The following LRRC4C variants were observed in gnomAD, a reference collection of about 807,000 sequenced individuals.
The protein encoded by LRRC4C is leucine-rich repeat-containing protein 4C.
LRRC4C carries 5 observed loss-of-function variants against 33.6 expected under a neutral mutation model. The ratio of observed to expected loss-of-function variants is 0.15; its 90% confidence interval spans 0.08 to 0.31. The LOEUF (loss-of-function observed/expected upper bound fraction) is 0.31. LRRC4C is among the 10% of genes least tolerant of loss of function. The pLI is 1.00. For missense variants in LRRC4C, 560 were observed against 796.7 expected (o/e 0.70, Z 3.58); for synonymous variants, 329 against 302.0 (o/e 1.09, Z -0.93).
chr11:40,678,121 C>T (rs909313863), intron 2 of LRRC4C, among the ~76,000 whole-genome samples: 18 of 151,824 alleles, frequency 1.2e-4, no homozygotes, highest in Admixed American at 1.1e-3. Flanking sequence ...TACTATTCCT[C>T]ACACATCACT....
chr11:40,765,100 C>G (rs1375238448), intron 2 of LRRC4C, among the ~76,000 whole-genome samples: 1 of 152,138 alleles, frequency 6.6e-6, no homozygotes, highest in East Asian at 1.9e-4. Context: ...AAAAAGGGAC[C>G]AGTGACCAGC....
intron 2 of LRRC4C, among the ~76,000 whole-genome samples, chr11:40,888,771 G>A (rs1166808315): frequency 6.6e-6 from 1 of 151,854 alleles, no homozygotes; most frequent in Non-Finnish European, 1.5e-5. Flanking sequence ...AAATATGTCC[G>A]AGATCTTTGA....
chr11:40,591,547 G>A (rs942433710), intron 3 of LRRC4C, among the ~76,000 whole-genome samples: 7 of 152,210 alleles, frequency 4.6e-5, no homozygotes, highest in African/African-American at 1.7e-4. Flanking sequence ...CTTCTCAGGT[G>A]TGTTTTATTG....
intron 4 of LRRC4C, among the ~76,000 whole-genome samples, chr11:40,288,216 G>A (rs775206610): frequency 2.0e-4 from 31 of 152,158 alleles, no homozygotes; most frequent in Non-Finnish European, 7.3e-5. Flanking sequence ...TAAGATGCTA[G>A]AGTCCAAGTT....
intron 3 of LRRC4C, among the ~76,000 whole-genome samples, chr11:40,407,339 G>C (rs1168064564): frequency 6.6e-6 from 1 of 152,074 alleles, no homozygotes; most frequent in Non-Finnish European, 1.5e-5. Flanking sequence ...GAAGCTGGAA[G>C]ACACTCTCTA....
intron 1 of LRRC4C, among the ~76,000 whole-genome samples, chr11:41,050,199 G>A (rs751789941): frequency 2.0e-5 from 3 of 152,062 alleles, no homozygotes; most frequent in Non-Finnish European, 4.4e-5. Context: ...TAGTTCTGTG[G>A]CCATGAAAAA....
intron 3 of LRRC4C, among the ~76,000 whole-genome samples, chr11:40,541,517 C>T (rs1956706506): frequency 6.6e-6 from 1 of 152,136 alleles, no homozygotes; most frequent in South Asian, 2.1e-4. Context: ...TTTCATGTAT[C>T]ATCCTGAACT....
intron 2 of LRRC4C, among the ~76,000 whole-genome samples, chr11:40,787,869 A>C (rs1950478249): frequency 6.6e-6 from 1 of 152,198 alleles, no homozygotes; most frequent in South Asian, 2.1e-4. Flanking sequence ...AGAATGAGTG[A>C]AATGAAAACA....
chr11:40,209,846 G>C (rs914198265), intron 5 of LRRC4C, among the ~76,000 whole-genome samples: 1 of 152,300 alleles, frequency 6.6e-6, no homozygotes, highest in African/African-American at 2.4e-5. Context: ...TAGGATGCCT[G>C]ATAAAAGAGA....
chr11:40,475,602 T>C (rs1269181141), intron 3 of LRRC4C, among the ~76,000 whole-genome samples: 1 of 151,982 alleles, frequency 6.6e-6, no homozygotes, highest in Non-Finnish European at 1.5e-5. Flanking sequence ...AGTATAATAA[T>C]AATAATAAAA....
intron 1 of LRRC4C, among the ~76,000 whole-genome samples, chr11:41,124,446 G>C (rs1202048771): frequency 6.6e-6 from 1 of 152,168 alleles, no homozygotes; most frequent in Admixed American, 6.5e-5. Flanking sequence ...CAGTGGGCTA[G>C]GGAACTGTCT....
At chr11:41,217,351 G>A (rs1204360344) in intron 1 of LRRC4C, among the ~76,000 whole-genome samples, 1 of 151,962 alleles carries the variant, frequency 6.6e-6, no homozygotes, top group Admixed American at 6.6e-5. Flanking sequence ...TTTAAAGCAG[G>A]ACTTCAATAT....
At chr11:41,078,965 T>C (rs912442176) in intron 1 of LRRC4C, among the ~76,000 whole-genome samples, 2 of 152,310 alleles carry the variant, frequency 1.3e-5, no homozygotes, top group African/African-American at 4.8e-5. Flanking sequence ...TTTCCACTAC[T>C]TTTTTCTCCC....
intron 1 of LRRC4C, among the ~76,000 whole-genome samples, chr11:41,089,892 GATAA>G (rs1940281913): frequency 6.6e-6 from 1 of 151,820 alleles, no homozygotes; most frequent in Admixed American, 6.6e-5. Context: ...ATAATCATGT[GATAA>G]ATATTGTGCA....
intron 5 of LRRC4C, among the ~76,000 whole-genome samples, chr11:40,175,088 T>C (rs563097070): frequency 6.6e-6 from 1 of 152,326 alleles, no homozygotes; most frequent in South Asian, 2.1e-4. Flanking sequence ...TGTAAGATAA[T>C]ATCAGCTTAT....
chr11:40,884,341 C>T (rs539618414), intron 2 of LRRC4C, among the ~76,000 whole-genome samples: 1 of 152,008 alleles, frequency 6.6e-6, no homozygotes, highest in Non-Finnish European at 1.5e-5. Context: ...GGTTCCAAGT[C>T]TTTGCTATTG....
chr11:40,171,908 C>T (rs900768210), intron 5 of LRRC4C, among the ~76,000 whole-genome samples: 8 of 151,260 alleles, frequency 5.3e-5, no homozygotes, highest in Non-Finnish European at 4.4e-5. Context: ...TTTATAAAAG[C>T]GACTTGGGAG....
At chr11:41,078,721 T>C (rs1384162135) in intron 1 of LRRC4C, among the ~76,000 whole-genome samples, 1 of 151,784 alleles carries the variant, frequency 6.6e-6, no homozygotes, top group Non-Finnish European at 1.5e-5. Flanking sequence ...TGAGATGAGA[T>C]TTGGGTGGGG....
intron 2 of LRRC4C, among the ~76,000 whole-genome samples, chr11:40,719,331 T>C (rs7120649): frequency 0.53 from 80,349 of 152,016 alleles, 21,449 homozygotes; most frequent in African/African-American, 0.58. Context: ...TAAGAGAAAA[T>C]GACAAAAGTC....
Sources: allele counts gnomAD v4.1 joint callset (sites outside exome capture counted in the v4.1 genomes callset), GRCh38; gene constraint gnomAD v4.1.1; transcripts MANE v1.5; gene names NCBI Gene and HGNC (gene_info 2026-07-23, HGNC 2026-07-21).